The following YIPF7 variants were observed in gnomAD, a reference collection of about 807,000 sequenced individuals.
The protein encoded by YIPF7 is protein YIPF7.
A neutral mutation model predicts 27.2 loss-of-function variants in YIPF7; 35 were observed. The observed-to-expected ratio is 1.29, with a 90% CI of 0.98 to 1.70. The LOEUF is 1.70. Among genes scored for constraint, YIPF7 ranks in the 40% most tolerant of loss-of-function variants. YIPF7 has a pLI of 0.00. For synonymous variants in YIPF7, 137 were observed against 110.4 expected (o/e 1.24, Z -1.51); for missense variants, 358 against 303.7 (o/e 1.18, Z -1.33).
chr4:44,661,869 A>T (rs769474047), intron 1 of YIPF7, among the ~76,000 whole-genome samples: 1 of 152,206 alleles, frequency 6.6e-6, no homozygotes, highest in African/African-American at 2.4e-5. Flanking sequence ...TTAATTACCA[A>T]GTTAATTGGT....
intron 2 of YIPF7, among the ~76,000 whole-genome samples, chr4:44,638,678 C>T (rs549049516): frequency 1.3e-5 from 2 of 152,240 alleles, no homozygotes; most frequent in South Asian, 2.1e-4. Context: ...ATTTCTTTTG[C>T]TGTGCAGAAG....
chr4:44,637,109 C>A (rs1041477234), intron 2 of YIPF7, among the ~76,000 whole-genome samples: 2 of 152,046 alleles, frequency 1.3e-5, no homozygotes, highest in Non-Finnish European at 2.9e-5. Flanking sequence ...AATGGTATTT[C>A]ATTGTATATA....
At chr4:44,633,842 C>T (rs373168646) in intron 3 of YIPF7, among the ~76,000 whole-genome samples, 11 of 151,894 alleles carry the variant, frequency 7.2e-5, no homozygotes, top group African/African-American at 2.7e-4. Flanking sequence ...ACAAAAAAAC[C>T]CATGAAAAAT....
intron 2 of YIPF7, among the ~76,000 whole-genome samples, chr4:44,660,163 A>AAT (rs1196004693): frequency 6.7e-6 from 1 of 149,230 alleles, no homozygotes; most frequent in Non-Finnish European, 1.5e-5. Flanking sequence ...CTGCATGTCT[A>AAT]ATATTAGAGG....
chr4:44,631,764 G>A (rs115400680), intron 3 of YIPF7, among the ~76,000 whole-genome samples: 2,076 of 152,142 alleles, frequency 0.014, 22 homozygotes, highest in Middle Eastern at 0.031. Flanking sequence ...CGTAATTTTT[G>A]AAAGAGAAGA....
At chr4:44,635,847 C>G (rs891631666) in intron 3 of YIPF7, 75 bp downstream of exon 3, 1 of 1,495,876 alleles carries the variant, frequency 6.7e-7, no homozygotes, top group Non-Finnish European at 9.1e-7. Context: ...TGCAGGCTGA[C>G]AGCACACATT....
At position 44,636,037 on chromosome 4, in the gene YIPF7, C is replaced by T. The variant is rs1489544624; in HGVS notation, c.165G>A (p.Glu55=). 6.2e-7 allele frequency: 1 copy of T among 1,613,746 alleles called. No homozygotes were observed. ...CTGCGTAACCCGATGACATGAGCAT[C>T]TCTGATGGAACAAAGGAGGCAGGCT... The part of the protein sequence containing the change: ...QPQPASFVPS[E]MLMSSGYAGQ... The change falls in exon 3 of 6, where the codon GAG becomes GAA. Residue 55 remains glutamate, a synonymous_variant. Transcript: ENST00000415895.
In YIPF7 at chr4:44,636,723, C is replaced by T. The variant is rs139563303; in HGVS notation, c.117-638G>A. Among the ~76,000 whole-genome samples, 181 of 152,062 alleles carry T rather than the reference C, an allele frequency of 1.2e-3. 6 individuals are homozygous for T. In the East Asian group the frequency reaches 0.034, roughly 28 times the overall value. ...AGTAGAATTGTCTCTGAGTTCCTAG[C>T]TAAATGTATTATCTAGTTGGCTTTA... On this transcript the variant is annotated intron_variant, in intron 2 of 5. Transcript: ENST00000415895.
chr4:44,643,221 C>A (rs1248110096), intron 2 of YIPF7, among the ~76,000 whole-genome samples: 1 of 152,140 alleles, frequency 6.6e-6, no homozygotes, highest in Non-Finnish European at 1.5e-5. Flanking sequence ...GTCACTTTTT[C>A]TATGCTTTAG....
chr4:44,642,855 T>C (rs1713379984), intron 2 of YIPF7, among the ~76,000 whole-genome samples: 2 of 152,350 alleles, frequency 1.3e-5, no homozygotes, highest in South Asian at 2.1e-4. Context: ...CCATGCTTCC[T>C]GTTCAGCCTG....
intron 5 of YIPF7, 124 bp downstream of exon 5, chr4:44,624,477 A>T: frequency 8.8e-7 from 1 of 1,139,272 alleles, no homozygotes; most frequent in Non-Finnish European, 1.2e-6. Context: ...AGTAGCTTTT[A>T]ATAGCCATGG....
At chr4:44,650,764 A>C (rs1713707991) in intron 1 of YIPF7, among the ~76,000 whole-genome samples, 1 of 152,184 alleles carries the variant, frequency 6.6e-6, no homozygotes, top group Admixed American at 6.5e-5. Context: ...CATTCTCTCT[A>C]TAGTTTCCAC....
At chr4:44,643,284 A>T (rs2109593422) in intron 2 of YIPF7, among the ~76,000 whole-genome samples, 1 of 152,314 alleles carries the variant, frequency 6.6e-6, no homozygotes, top group East Asian at 1.9e-4. Context: ...TGAAATTTTA[A>T]AAGTTAGAAT....
intron 1 of YIPF7, among the ~76,000 whole-genome samples, chr4:44,650,834 C>T (rs1713712662): frequency 6.6e-6 from 1 of 151,676 alleles, no homozygotes; most frequent in African/African-American, 2.4e-5. Context: ...GCCAGGAATA[C>T]CAGAGGGAAA....
At chr4:44,627,384 G>A (rs144471771) in intron 4 of YIPF7, among the ~76,000 whole-genome samples, 1 of 152,120 alleles carries the variant, frequency 6.6e-6, no homozygotes, top group Non-Finnish European at 1.5e-5. Context: ...AAGAGTATGT[G>A]ACTATGACTC....
intron 4 of YIPF7, among the ~76,000 whole-genome samples, chr4:44,628,128 C>G (rs1577732987): frequency 6.6e-6 from 1 of 152,018 alleles, no homozygotes; most frequent in Non-Finnish European, 1.5e-5. Context: ...CTAAGATTAT[C>G]AAATTACTGT....
chr4:44,639,765 T>C (rs992026951), intron 2 of YIPF7, among the ~76,000 whole-genome samples: 1 of 142,692 alleles, frequency 7.0e-6, no homozygotes, highest in African/African-American at 2.8e-5. Flanking sequence ...TTGTCTTGTT[T>C]CATTTTTTCT....
intron 5 of YIPF7, 62 bp from the exon 6 acceptor site, chr4:44,622,638 T>C: frequency 6.3e-7 from 1 of 1,575,372 alleles, no homozygotes; most frequent in South Asian, 1.2e-5. Flanking sequence ...TGAGTTAAAG[T>C]TGCCTCTGAA....
intron 2 of YIPF7, among the ~76,000 whole-genome samples, chr4:44,660,130 A>AAAAAAAAAAAAC (rs1560332853): frequency 4.1e-5 from 6 of 147,286 alleles, no homozygotes; most frequent in African/African-American, 1.5e-4. Flanking sequence ...AAAAAAAAAA[A>AAAAAAAAAAAAC]AAAAAACGAA....
Sources: allele counts gnomAD v4.1 joint callset (sites outside exome capture counted in the v4.1 genomes callset), GRCh38; gene constraint gnomAD v4.1.1; transcripts MANE v1.5; gene names NCBI Gene and HGNC (gene_info 2026-07-23, HGNC 2026-07-21).